The following INPP4B variants were observed in gnomAD, a reference collection of about 807,000 sequenced individuals.
INPP4B encodes inositol polyphosphate-4-phosphatase type II B.
INPP4B carries 55 observed loss-of-function variants against 122.5 expected under a neutral mutation model. The observed-to-expected ratio is 0.45, with a 90% CI of 0.36 to 0.56. The LOEUF (loss-of-function observed/expected upper bound fraction) is 0.56, where lower values mean the gene tolerates loss of function less well. Among genes scored for constraint, INPP4B ranks in the 20% least tolerant of loss-of-function variants. The pLI is 0.00. For missense variants in INPP4B, 1,000 were observed against 1,097.7 expected (o/e 0.91, Z 1.26); for synonymous variants, 403 against 388.7 (o/e 1.04, Z -0.43).
Position 142,720,761 on chromosome 4 carries a change from ATCTCTCTCTCTC to A in INPP4B, c.-191+5066_-191+5077del, listed in dbSNP as rs1175727015. 2.9e-3 allele frequency among the ~76,000 whole-genome samples: 110 copies of A among 37,550 alleles called. 2 individuals are homozygous for A. Among genetic ancestry groups the A allele is most frequent in the African/African-American group, 0.01 (100 of 9,820 alleles). The allele number at this position is 37,550 out of a possible 152,430, so 24.6% of individuals were successfully genotyped here. A position where few individuals can be genotyped will look rare whatever the true frequency, so the allele number is the denominator to read the frequency against. On this transcript the variant is annotated intron_variant, in intron 2 of 25. Transcript: ENST00000262992. ...ATATATATATATACATATATATATA[ATCTCTCTCTCTC>A]TCTCTCTCTCTCTCTCTCTCTCTCT...
At chr4:142,698,876 C>T (rs1446314044) in intron 2 of INPP4B, among the ~76,000 whole-genome samples, 3 of 152,160 alleles carry the variant, frequency 2.0e-5, no homozygotes, top group Admixed American at 2.0e-4. Context: ...ACCTTGAAGA[C>T]ACTTTTCTCC....
At chr4:142,155,403 A>G (rs561005812) in intron 17 of INPP4B, among the ~76,000 whole-genome samples, 3 of 152,240 alleles carry the variant, frequency 2.0e-5, no homozygotes, top group African/African-American at 7.2e-5. Context: ...GAAGTTGGGA[A>G]TATAGATCAC....
In INPP4B at chr4:142,831,631, A is replaced by T. The variant is rs116415342; in HGVS notation, c.-254+14578T>A. On this transcript the variant is annotated intron_variant, in intron 1 of 25. Transcript: ENST00000262992. The stretch of plus-strand genomic sequence containing the variant: ...TCAATGAATTATGATTAGGCTAAAA[A>T]CACAAATTCCTCTCATATTTTTCAA... 5.9e-3 allele frequency among the ~76,000 whole-genome samples: 904 copies of T among 152,290 alleles called. 7 individuals carry two copies. The highest frequency in any genetic ancestry group is 0.021 in the African/African-American group (863 of 41,550).
intron 23 of INPP4B, among the ~76,000 whole-genome samples, chr4:142,096,496 T>C (rs1781842829): frequency 1.3e-5 from 2 of 152,184 alleles, no homozygotes; most frequent in African/African-American, 4.8e-5. Flanking sequence ...TTTCATAATT[T>C]GATCGTGTCT....
At chr4:142,646,464 C>T (rs1223990293) in intron 2 of INPP4B, among the ~76,000 whole-genome samples, 1 of 152,080 alleles carries the variant, frequency 6.6e-6, no homozygotes, top group East Asian at 1.9e-4. Context: ...GAAGAAACAC[C>T]TTCCAATGCC....
intron 25 of INPP4B, among the ~76,000 whole-genome samples, chr4:142,035,735 T>C (rs546203975): frequency 6.6e-6 from 1 of 152,304 alleles, no homozygotes; most frequent in Non-Finnish European, 1.5e-5. Flanking sequence ...TGTGGTCTGG[T>C]TGCAAAGAAT....
At chr4:142,367,584 A>G (rs941760115) in intron 7 of INPP4B, among the ~76,000 whole-genome samples, 5 of 152,072 alleles carry the variant, frequency 3.3e-5, no homozygotes, top group African/African-American at 1.2e-4. Flanking sequence ...CCAGGGTCAC[A>G]GGTTTAGTAG....
At chr4:142,190,536 A>C (rs1907133) in intron 15 of INPP4B, among the ~76,000 whole-genome samples, 133,235 of 152,148 alleles carry the variant, frequency 0.88, 59,145 homozygotes, top group East Asian at 0.96. Context: ...TTTGTCTCAA[A>C]CCACTGCCCT....
intron 11 of INPP4B, among the ~76,000 whole-genome samples, chr4:142,247,377 C>T (rs1170451132): frequency 1.3e-5 from 2 of 152,020 alleles, no homozygotes; most frequent in East Asian, 3.9e-4. Context: ...GGTATCAGTT[C>T]CTCCTTGTAT....
At chr4:142,516,382 G>A (rs1038355349) in intron 2 of INPP4B, among the ~76,000 whole-genome samples, 1 of 152,072 alleles carries the variant, frequency 6.6e-6, no homozygotes, top group African/African-American at 2.4e-5. Context: ...TGCTTACTAT[G>A]GGCCAGGCAT....
intron 2 of INPP4B, among the ~76,000 whole-genome samples, chr4:142,543,803 A>G (rs752023862): frequency 6.5e-4 from 99 of 152,304 alleles, no homozygotes; most frequent in Admixed American, 2.1e-3. Context: ...CTGTATTAAA[A>G]AGTCCTAGCT....
intron 1 of INPP4B, among the ~76,000 whole-genome samples, chr4:142,813,485 A>T (rs1779757141): frequency 6.6e-6 from 1 of 152,004 alleles, no homozygotes; most frequent in Non-Finnish European, 1.5e-5. Context: ...TCTAATATCA[A>T]TTTTTTCTTG....
intron 23 of INPP4B, 147 bp from the exon 24 acceptor site, chr4:142,086,403 A>G (rs1776787046): frequency 5.0e-6 from 3 of 604,992 alleles, no homozygotes; most frequent in East Asian, 2.8e-5. Flanking sequence ...TGGAGTGCCA[A>G]TGGGGCCCAA....
chr4:142,799,636 A>T (rs1777753551), intron 1 of INPP4B, among the ~76,000 whole-genome samples: 1 of 151,942 alleles, frequency 6.6e-6, no homozygotes, highest in Non-Finnish European at 1.5e-5. Flanking sequence ...AACCCTCATA[A>T]TTCTATAATC....
chr4:142,280,381 C>T (rs1750634382), intron 9 of INPP4B, among the ~76,000 whole-genome samples: 1 of 151,944 alleles, frequency 6.6e-6, no homozygotes, highest in Non-Finnish European at 1.5e-5. Context: ...ACTGTTGATA[C>T]ACCACCAACT....
At chr4:142,730,465 C>A (rs1580790992) in intron 1 of INPP4B, among the ~76,000 whole-genome samples, 1 of 152,164 alleles carries the variant, frequency 6.6e-6, no homozygotes, top group Admixed American at 6.5e-5. Context: ...TGTCTAACAG[C>A]TGCCACGTTG....
intron 2 of INPP4B, among the ~76,000 whole-genome samples, chr4:142,675,650 C>T (rs1449289740): frequency 6.6e-6 from 1 of 152,116 alleles, no homozygotes; most frequent in East Asian, 1.9e-4. Flanking sequence ...TTATCCACCA[C>T]AATCAAGTCA....
At position 142,569,414 on chromosome 4, in the gene INPP4B, G is replaced by T. The variant is rs78803674; in HGVS notation, c.-190-106688C>A. ...CAGCCAACCATGTAGTGCTAAGCAT[G>T]TGCCAAGTCTGTTCTAAGTGTTTCA... On this transcript the variant is annotated intron_variant, in intron 2 of 25. Transcript: ENST00000262992. Among the ~76,000 whole-genome samples the T allele has an allele frequency of 4.0e-5, 6 of 151,864 alleles. No individual in the cohort carries two copies. The East Asian group carries it at 1.2e-3, about 30-fold the overall frequency.
chr4:142,323,151 A>T (rs554904062), intron 7 of INPP4B, among the ~76,000 whole-genome samples: 4 of 152,126 alleles, frequency 2.6e-5, no homozygotes, highest in African/African-American at 7.2e-5. Context: ...CGTTCCTTAA[A>T]TTTTAGTGTG....
Sources: gnomAD v4.1 joint callset for allele counts (sites outside exome capture counted in the v4.1 genomes callset) on GRCh38, gnomAD v4.1.1 for gene constraint, MANE v1.5 for transcripts, NCBI Gene and HGNC (gene_info 2026-07-23, HGNC 2026-07-21) for gene names.